The following BCAS4 variants were observed in gnomAD, a reference collection of about 807,000 sequenced individuals.
The protein encoded by BCAS4 is breast carcinoma amplified sequence 4, also known as breast carcinoma-amplified sequence 4.
Under a neutral mutation model 15.7 loss-of-function variants are expected in BCAS4, and 9 were observed. The observed-to-expected ratio is 0.57, with a 90% CI of 0.34 to 1.00. The LOEUF (loss-of-function observed/expected upper bound fraction) is 1.00, where lower values mean the gene tolerates loss of function less well. BCAS4 is among the 50% of genes least tolerant of loss of function. The pLI, the probability that BCAS4 is intolerant of heterozygous loss-of-function variation, is 0.02. For missense variants in BCAS4, 225 were observed against 239.1 expected (o/e 0.94, Z 0.39); for synonymous variants, 101 against 99.5 (o/e 1.02, Z -0.09).
chr20:50,834,870 T>C (rs2088387814), intron 3 of BCAS4, among the ~76,000 whole-genome samples: 1 of 152,210 alleles, frequency 6.6e-6, no homozygotes, highest in Non-Finnish European at 1.5e-5. Context: ...ATCTATGTTG[T>C]AGCATGTGCC....
At position 50,876,836 on chromosome 20, in the gene BCAS4, GC is replaced by G; in HGVS notation, c.*231del. The G allele has an allele frequency of 2.6e-6, 1 of 391,856 alleles. No homozygotes were observed. The highest frequency in any genetic ancestry group is 4.2e-6 in the Non-Finnish European group (1 of 239,750). 24.3% of individuals were successfully genotyped at this position (391,856 alleles called of 1,614,324 possible). The stretch of plus-strand genomic sequence containing the variant: ...TGGGATTATGGGCAGGAGCCTCCGT[GC>G]CCAGGCTGCTGCCATTTTCAAATTT... On this transcript the variant is annotated 3_prime_UTR_variant, in exon 5 of 5. Transcript: ENST00000371608.
intron 4 of BCAS4, among the ~76,000 whole-genome samples, chr20:50,868,206 A>G (rs548736449): frequency 6.6e-6 from 1 of 152,280 alleles, no homozygotes; most frequent in South Asian, 2.1e-4. Context: ...CACCTGGCCG[A>G]AGTGACGTTT....
chr20:50,841,702 G>C, intron 3 of BCAS4, 64 bp from the exon 4 acceptor site: 1 of 1,609,418 alleles, frequency 6.2e-7, no homozygotes, highest in Non-Finnish European at 8.5e-7. Flanking sequence ...AGCCCAGGGA[G>C]TGTGGCCAGG....
intron 4 of BCAS4, among the ~76,000 whole-genome samples, chr20:50,875,645 G>T (rs929534354): frequency 2.0e-5 from 3 of 151,816 alleles, no homozygotes. Flanking sequence ...GCCGGGCGTG[G>T]TGGTGCACGC....
intron 1 of BCAS4, among the ~76,000 whole-genome samples, chr20:50,804,427 A>C (rs1051398177): frequency 6.6e-6 from 1 of 152,200 alleles, no homozygotes; most frequent in African/African-American, 2.4e-5. Context: ...ACAGAATTTC[A>C]TTGTTTGTCT....
At chr20:50,816,661 T>C (rs556651652) in intron 1 of BCAS4, among the ~76,000 whole-genome samples, 1 of 152,254 alleles carries the variant, frequency 6.6e-6, no homozygotes, top group Non-Finnish European at 1.5e-5. Context: ...GTTTTATTTC[T>C]TCTTCTTTTT....
intron 2 of BCAS4, among the ~76,000 whole-genome samples, chr20:50,824,769 G>T (rs572010278): frequency 9.8e-5 from 15 of 152,300 alleles, no homozygotes; most frequent in African/African-American, 3.6e-4. Context: ...GCTGATTGTT[G>T]CCATGTGGAA....
At chr20:50,809,702 GTCATTT>G (rs1302829494) in intron 1 of BCAS4, among the ~76,000 whole-genome samples, 1 of 152,080 alleles carries the variant, frequency 6.6e-6, no homozygotes, top group Non-Finnish European at 1.5e-5. Context: ...TGGCAGTATG[GTCATTT>G]TCACAATATT....
At chr20:50,825,010 C>G (rs554650244) in intron 2 of BCAS4, among the ~76,000 whole-genome samples, 23 of 152,254 alleles carry the variant, frequency 1.5e-4, no homozygotes, top group African/African-American at 5.3e-4. Flanking sequence ...TCAGGCCCAT[C>G]TGGATTAGAC....
intron 2 of BCAS4, among the ~76,000 whole-genome samples, chr20:50,824,377 G>C (rs1459538693): frequency 3.3e-5 from 5 of 152,240 alleles, no homozygotes; most frequent in Non-Finnish European, 5.9e-5. Context: ...ACTTTCCTCT[G>C]TGGTGACCTC....
At chr20:50,873,183 C>G (rs1018374681) in intron 4 of BCAS4, among the ~76,000 whole-genome samples, 15 of 152,238 alleles carry the variant, frequency 9.9e-5, no homozygotes, top group Admixed American at 9.8e-4. Flanking sequence ...CACTCCCTCT[C>G]CTTGGCTTCT....
chr20:50,866,892 G>A (rs1600902730), intron 4 of BCAS4, among the ~76,000 whole-genome samples: 1 of 152,142 alleles, frequency 6.6e-6, no homozygotes, highest in Non-Finnish European at 1.5e-5. Context: ...TCTCTCAGCC[G>A]CTGTGAGGAT....
At chr20:50,873,881 G>A (rs971224939) in intron 4 of BCAS4, among the ~76,000 whole-genome samples, 11 of 152,210 alleles carry the variant, frequency 7.2e-5, no homozygotes, top group African/African-American at 2.7e-4. Flanking sequence ...TGGTTTTCCA[G>A]ATGTGAAGGT....
intron 4 of BCAS4, among the ~76,000 whole-genome samples, chr20:50,848,831 CA>C (rs923249826): frequency 2.6e-5 from 4 of 152,264 alleles, no homozygotes; most frequent in Non-Finnish European, 5.9e-5. Flanking sequence ...TGCCAGGTCT[CA>C]GGGCCCTTGT....
intron 3 of BCAS4, among the ~76,000 whole-genome samples, chr20:50,836,943 A>C (rs1424941389): frequency 6.6e-6 from 1 of 152,150 alleles, no homozygotes; most frequent in Non-Finnish European, 1.5e-5. Flanking sequence ...TCCTGGGTCA[A>C]GCAATCTGCC....
chr20:50,843,729 C>T (rs1437649632), intron 4 of BCAS4, among the ~76,000 whole-genome samples: 1 of 152,246 alleles, frequency 6.6e-6, no homozygotes. Context: ...GATTGCCCCT[C>T]TTCAGACAAA....
At chr20:50,855,681 G>A (rs1293059653) in intron 4 of BCAS4, among the ~76,000 whole-genome samples, 2 of 152,038 alleles carry the variant, frequency 1.3e-5, no homozygotes, top group African/African-American at 2.4e-5. Flanking sequence ...GGCACCCATT[G>A]CCCTTCTCTG....
At chr20:50,841,442 C>T (rs2088480614) in intron 3 of BCAS4, among the ~76,000 whole-genome samples, 1 of 152,180 alleles carries the variant, frequency 6.6e-6, no homozygotes, top group African/African-American at 2.4e-5. Flanking sequence ...CGCCCCTGCC[C>T]CTGCCACTTC....
intron 1 of BCAS4, among the ~76,000 whole-genome samples, chr20:50,800,250 G>T (rs1212385523): frequency 1.3e-5 from 2 of 152,122 alleles, no homozygotes; most frequent in Admixed American, 1.3e-4. Flanking sequence ...GCCTGAGTAG[G>T]AGTTGGCTGG....
Sources: allele counts gnomAD v4.1 joint callset (sites outside exome capture counted in the v4.1 genomes callset), GRCh38; gene constraint gnomAD v4.1.1; transcripts MANE v1.5; gene names NCBI Gene and HGNC (gene_info 2026-07-23, HGNC 2026-07-21).